FGGY: variants seen among roughly 807,000 people sequenced by gnomAD.
FGGY encodes FGGY carbohydrate kinase domain containing, also known as FGGY carbohydrate kinase domain-containing protein.
A neutral mutation model predicts 71.3 loss-of-function variants in FGGY; 72 were observed. That is an observed-to-expected ratio of 1.01 (90% CI 0.84 to 1.23). The LOEUF (loss-of-function observed/expected upper bound fraction) is 1.23, where lower values mean the gene tolerates loss of function less well. Among genes scored for constraint, FGGY ranks in the 50% most tolerant of loss-of-function variants. The pLI is 0.00. For missense variants in FGGY, 668 were observed against 682.3 expected (o/e 0.98, Z 0.23); for synonymous variants, 251 against 250.3 (o/e 1.00, Z -0.02).
intron 5 of FGGY, among the ~76,000 whole-genome samples, chr1:59,406,080 TA>T (rs1255881613): frequency 1.3e-5 from 2 of 152,004 alleles, no homozygotes; most frequent in African/African-American, 4.8e-5. Context: ...AAATGTTTTT[TA>T]AAAAGCTTTT....
chr1:59,693,007 T>C (rs765515585), intron 14 of FGGY, among the ~76,000 whole-genome samples: 24 of 152,184 alleles, frequency 1.6e-4, no homozygotes, highest in Non-Finnish European at 2.4e-4. Context: ...AAGTAGAAGA[T>C]AGTTATCATT....
At chr1:59,619,916 TG>T (rs1406466081) in intron 9 of FGGY, among the ~76,000 whole-genome samples, 1 of 151,932 alleles carries the variant, frequency 6.6e-6, no homozygotes, top group Non-Finnish European at 1.5e-5. Flanking sequence ...TGGTAAAGAA[TG>T]GTTAGATTTT....
At chr1:59,710,032 C>A (rs1472824264) in intron 14 of FGGY, among the ~76,000 whole-genome samples, 1 of 152,128 alleles carries the variant, frequency 6.6e-6, no homozygotes, top group Non-Finnish European at 1.5e-5. Flanking sequence ...GCAAAACATG[C>A]CCCCACCCCT....
At chr1:59,697,593 C>A in intron 14 of FGGY, 1 of 1,014,506 alleles carries the variant, frequency 9.9e-7, no homozygotes, top group Non-Finnish European at 1.4e-6. Flanking sequence ...CTGATTATAA[C>A]CATCGTCGCT....
At chr1:59,390,739 T>C (rs2060594779) in intron 5 of FGGY, among the ~76,000 whole-genome samples, 1 of 152,146 alleles carries the variant, frequency 6.6e-6, no homozygotes, top group Admixed American at 6.6e-5. Context: ...ACACTCAAAA[T>C]CATAATTTCT....
At chr1:59,611,065 C>G (rs1442764922) in intron 9 of FGGY, among the ~76,000 whole-genome samples, 1 of 152,260 alleles carries the variant, frequency 6.6e-6, no homozygotes, top group Non-Finnish European at 1.5e-5. Flanking sequence ...CTGCCTGCCT[C>G]TGTAGACTCC....
chr1:59,508,340 T>A (rs665589), intron 6 of FGGY, among the ~76,000 whole-genome samples: 2,003 of 152,308 alleles, frequency 0.013, 37 homozygotes, highest in African/African-American at 0.045. Context: ...ATGCAGGCAA[T>A]CATTAGTTCT....
At chr1:59,449,353 G>T (rs1007648691) in intron 5 of FGGY, among the ~76,000 whole-genome samples, 1 of 152,020 alleles carries the variant, frequency 6.6e-6, no homozygotes, top group African/African-American at 2.4e-5. Flanking sequence ...GCACAATCTC[G>T]GCTCACTGCA....
At chr1:59,348,198 G>A (rs1287325882) in intron 4 of FGGY, among the ~76,000 whole-genome samples, 1 of 152,202 alleles carries the variant, frequency 6.6e-6, no homozygotes, top group African/African-American at 2.4e-5. Context: ...GTTCAGAGAG[G>A]TTAATTACCG....
chr1:59,313,193 T>C (rs2044692180), intron 1 of FGGY, among the ~76,000 whole-genome samples: 1 of 152,144 alleles, frequency 6.6e-6, no homozygotes, highest in Non-Finnish European at 1.5e-5. Flanking sequence ...AGGATACTAA[T>C]CCCGTTCATG....
At chr1:59,734,941 G>A (rs76718890) in intron 14 of FGGY, among the ~76,000 whole-genome samples, 17,101 of 152,258 alleles carry the variant, frequency 0.11, 991 homozygotes, top group African/African-American at 0.13. Flanking sequence ...GTAATTACCT[G>A]GCAGAGATAA....
At chr1:59,461,223 T>C (rs148259306) in intron 6 of FGGY, among the ~76,000 whole-genome samples, 3,740 of 152,250 alleles carry the variant, frequency 0.025, 161 homozygotes, top group African/African-American at 0.085. Flanking sequence ...GAGAAGACCT[T>C]AAATGACCTG....
At chr1:59,311,392 G>A (rs1032852945) in intron 1 of FGGY, among the ~76,000 whole-genome samples, 13 of 149,488 alleles carry the variant, frequency 8.7e-5, no homozygotes, top group Admixed American at 2.7e-4. Context: ...CCCTCCCCTC[G>A]TCCCCCCACC....
intron 8 of FGGY, among the ~76,000 whole-genome samples, chr1:59,584,486 C>T (rs1370116670): frequency 1.3e-5 from 2 of 149,884 alleles, no homozygotes; most frequent in Non-Finnish European, 2.9e-5. Context: ...ATGCTAAAAA[C>T]TCTCAATAAA....
At chr1:59,620,997 A>G (rs1033124051) in intron 9 of FGGY, among the ~76,000 whole-genome samples, 3 of 152,242 alleles carry the variant, frequency 2.0e-5, no homozygotes, top group East Asian at 1.9e-4. Flanking sequence ...TTTGGAGGCT[A>G]AAAGTCTGTG....
chr1:59,338,904 A>G (rs2050125998), intron 2 of FGGY, among the ~76,000 whole-genome samples: 3 of 152,166 alleles, frequency 2.0e-5, no homozygotes, highest in South Asian at 2.1e-4. Context: ...ATAATCTCCA[A>G]GAAGGTCCAC....
intron 9 of FGGY, among the ~76,000 whole-genome samples, chr1:59,614,263 A>C (rs1428733833): frequency 6.6e-6 from 1 of 152,224 alleles, no homozygotes; most frequent in Admixed American, 6.5e-5. Context: ...AATATTGGCA[A>C]ACTGAATCCA....
chr1:59,636,477 G>T (rs2096960587), intron 10 of FGGY, among the ~76,000 whole-genome samples: 1 of 152,096 alleles, frequency 6.6e-6, no homozygotes, highest in Admixed American at 6.5e-5. Flanking sequence ...AAAAAAATTA[G>T]CCAGGCGTGG....
intron 8 of FGGY, among the ~76,000 whole-genome samples, chr1:59,599,100 G>A (rs1304492071): frequency 1.1e-5 from 1 of 89,148 alleles, no homozygotes; most frequent in Non-Finnish European, 2.8e-5. Flanking sequence ...ATGTTCGTTT[G>A]TTTGTTTGTT....
Sources: gnomAD v4.1 joint callset for allele counts (sites outside exome capture counted in the v4.1 genomes callset) on GRCh38, gnomAD v4.1.1 for gene constraint, MANE v1.5 for transcripts, NCBI Gene and HGNC (gene_info 2026-07-23, HGNC 2026-07-21) for gene names.